DDB1: variants seen among roughly 807,000 people sequenced by gnomAD.
The protein encoded by DDB1 is damage specific DNA binding protein 1.
Under a neutral mutation model 133.1 loss-of-function variants are expected in DDB1, and 18 were observed. The ratio of observed to expected loss-of-function variants is 0.14; its 90% CI spans 0.09 to 0.20. DDB1 has a LOEUF of 0.20. Among genes scored for constraint, DDB1 ranks in the 10% least tolerant of loss-of-function variants. The pLI is 1.00. For synonymous variants in DDB1, 580 were observed against 550.5 expected (o/e 1.05, Z -0.75); for missense variants, 828 against 1,459.2 (o/e 0.57, Z 7.05).
In DDB1 at chr11:61,314,448, G is replaced by A. The variant is rs755359967; in HGVS notation, c.1449C>T (p.Pro483=). 1 of 1,613,782 alleles carries A rather than the reference G, an allele frequency of 6.2e-7. No individual in the cohort carries two copies. Among genetic ancestry groups the A allele is most frequent in the Admixed American group, 1.7e-5 (1 of 59,896 alleles). The change falls in exon 13 of 27, where the codon CCC becomes CCT. Residue 483 remains proline (P), a synonymous_variant. Coordinates refer to ENST00000301764, the MANE Select transcript of DDB1 (RefSeq NM_001923.5). The part of the protein sequence containing the change: ...SASVRLVSQE[P]KALVSEWKEP... ...CCTTCCATTCACTGACCAGAGCTTT[G>A]GGTTCTTGAGAGACCAACCTCACCG...
chr11:61,310,001 A>T, intron 19 of DDB1, 41 bp from the exon 20 acceptor site: 2 of 1,613,410 alleles, frequency 1.2e-6, no homozygotes, highest in Non-Finnish European at 1.7e-6. Flanking sequence ...CAGGTTACCC[A>T]TATCTGCACG....
intron 24 of DDB1, 78 bp from the exon 25 acceptor site, chr11:61,302,437 G>A: frequency 1.3e-6 from 2 of 1,576,402 alleles, no homozygotes; most frequent in Middle Eastern, 3.5e-4. Context: ...GGGCAGCCCA[G>A]GTGAGCAGCT....
chr11:61,324,727 T>C (rs1381722435), intron 6 of DDB1, among the ~76,000 whole-genome samples: 1 of 152,192 alleles, frequency 6.6e-6, no homozygotes, highest in Non-Finnish European at 1.5e-5. Context: ...AAATGAAACT[T>C]TTAAGGCTTA....
At chr11:61,300,359 T>C in intron 26 of DDB1, 140 bp from the exon 27 acceptor site, 1 of 820,542 alleles carries the variant, frequency 1.2e-6, no homozygotes, top group Non-Finnish European at 2.0e-6. Flanking sequence ...AACCCACGCC[T>C]CCCCCTGGGT....
chr11:61,302,832 C>T (rs896804725), intron 23 of DDB1, 81 bp from the exon 24 acceptor site: 29 of 1,548,108 alleles, frequency 1.9e-5, no homozygotes, highest in South Asian at 3.5e-5. Flanking sequence ...GCAGTGGTCA[C>T]GGTGCTCAAT....
Position 61,313,952 on chromosome 11 carries a change from T to C in DDB1, c.1771A>G (p.Ile591Val). 1 of 1,614,190 alleles carries C rather than the reference T, an allele frequency of 6.2e-7. No individual in the cohort carries two copies. Among genetic ancestry groups the C allele is most frequent in the Non-Finnish European group, 8.5e-7 (1 of 1,180,042 alleles). ...MLGGEIIPRSILMTTFESSHY... is the reference protein window; with the variant it reads ...MLGGEIIPRSVLMTTFESSHY... The stretch of plus-strand genomic sequence containing the variant: ...CTACTCTCAAAGGTGGTCATCAGGA[T>C]GGAGCGAGGAATGATCTCTGTGAGA... Residue 591 changes from isoleucine (I) to valine (V), a missense_variant, in exon 15 of 27, where the codon ATC (isoleucine) becomes GTC (valine). Transcript: ENST00000301764.
At position 61,333,087 on chromosome 11, in the gene DDB1, C is replaced by T. The variant is rs956334619; in HGVS notation, c.-119G>A. Reference sequence around the variant, plus strand: ...AACTCCACTGCCGCTGCCTCCGCCCCAGAGACACGTTGCAGGCCAGAGCGG... The same window carrying T: ...AACTCCACTGCCGCTGCCTCCGCCCTAGAGACACGTTGCAGGCCAGAGCGG... On this transcript the variant is annotated 5_prime_UTR_variant, in exon 1 of 27. Coordinates refer to ENST00000301764, the MANE Select transcript of DDB1 (RefSeq NM_001923.5). 8.2e-6 allele frequency: 8 copies of T among 979,622 alleles called. No individual in the cohort carries two copies. Among genetic ancestry groups the T allele is most frequent in the Non-Finnish European group, 1.1e-5 (8 of 704,890 alleles). 60.7% of individuals were successfully genotyped at this position (979,622 alleles called of 1,614,324 possible).
In DDB1 at chr11:61,311,800, G is replaced by A; in HGVS notation, c.2261C>T (p.Pro754Leu). The A allele has an allele frequency of 1.2e-6, 2 of 1,613,158 alleles. No homozygotes were observed. Among genetic ancestry groups the A allele is most frequent in the Non-Finnish European group, 1.7e-6 (2 of 1,179,686 alleles). Reference protein sequence around the residue: ...DTSGGTTALRPSASTQALSSS... With the variant: ...DTSGGTTALRLSASTQALSSS... ...TGCCCTTACCTGGGTGCTAGCGCTGGGCCTCAAGGCTGTCGTGCCCCCACT... is the reference window on the plus strand; with the variant it reads ...TGCCCTTACCTGGGTGCTAGCGCTGAGCCTCAAGGCTGTCGTGCCCCCACT... The change falls in exon 18 of 27, where the codon CCC becomes CTC. Residue 754 changes from proline (P) to leucine (L), a missense_variant. Pro to Leu is a moderately conservative substitution (Grantham distance 98, BLOSUM62 -3). Coordinates refer to ENST00000301764, the MANE Select transcript of DDB1 (RefSeq NM_001923.5).
rs549197999 is a variant in DDB1, at chr11:61,324,208, C to G, written c.763-71G>C. The stretch of plus-strand genomic sequence containing the variant: ...CACCAGAAAACAAACCCTACTGGAC[C>G]ACTCCCTTTACCAAACCCAGCCATT... On this transcript the variant is annotated intron_variant, in intron 6 of 26. Transcript: ENST00000301764. 8 of 1,570,932 alleles carry G rather than the reference C, an allele frequency of 5.1e-6. No individual in the cohort carries two copies. The African/African-American group carries it at 8.1e-5, about 16-fold the overall frequency.
Position 61,333,071 on chromosome 11 carries a change from G to A in DDB1, c.-103C>T. On this transcript the variant is annotated 5_prime_UTR_variant, in exon 1 of 27. Coordinates refer to ENST00000301764, the MANE Select transcript of DDB1 (RefSeq NM_001923.5). ...CCAACAGCGCGCAGCGAACTCCACT[G>A]CCGCTGCCTCCGCCCCAGAGACACG... The A allele has an allele frequency of 9.0e-7, 1 of 1,105,394 alleles. No homozygotes were observed. Among genetic ancestry groups the A allele is most frequent in the Non-Finnish European group, 1.2e-6 (1 of 810,770 alleles). 68.5% of individuals were successfully genotyped at this position (1,105,394 alleles called of 1,614,324 possible).
intron 22 of DDB1, among the ~76,000 whole-genome samples, chr11:61,303,575 C>A (rs946177754): frequency 1.3e-5 from 2 of 151,858 alleles, no homozygotes; most frequent in Non-Finnish European, 2.9e-5. Flanking sequence ...GTAGTCCCAG[C>A]TACTCGTAGT....
Position 61,313,690 on chromosome 11 carries a change from A to T in DDB1, c.1878T>A (p.Arg626=), listed in dbSNP as rs1206658093. ...LNIETGLLSD[R]KKVTLGTQPT... ...GCTGGGTGCCCAAAGTCACCTTCTTACGGTCGCTCAACAGACCTACAGAGA... is the reference window on the plus strand; with the variant it reads ...GCTGGGTGCCCAAAGTCACCTTCTTTCGGTCGCTCAACAGACCTACAGAGA... The change falls in exon 16 of 27, where the codon CGT becomes CGA. Residue 626 remains arginine (R), a synonymous_variant. Coordinates refer to ENST00000301764, the MANE Select transcript of DDB1 (RefSeq NM_001923.5). The T allele has an allele frequency of 1.2e-6, 2 of 1,611,844 alleles. No individual in the cohort carries two copies. Among genetic ancestry groups the T allele is most frequent in the Admixed American group, 1.7e-5 (1 of 59,460 alleles).
chr11:61,310,035 G>A (rs2134904450), intron 19 of DDB1, 75 bp from the exon 20 acceptor site: 1 of 1,594,476 alleles, frequency 6.3e-7, no homozygotes. Flanking sequence ...GTATTTCTGA[G>A]GCCTGTGGCT....
intron 1 of DDB1, 192 bp downstream of exon 1, chr11:61,332,715 TC>T: frequency 4.4e-6 from 2 of 454,260 alleles, no homozygotes; most frequent in Non-Finnish European, 7.6e-6. Flanking sequence ...GAGAGCGGCT[TC>T]CAACCCCCAA....
intron 13 of DDB1, 21 bp from the exon 14 acceptor site, chr11:61,314,231 C>T (rs762781207): frequency 1.9e-6 from 3 of 1,591,030 alleles, no homozygotes; most frequent in South Asian, 2.3e-5. Flanking sequence ...AAGAATATGG[C>T]AGAGGAAGGA....
chr11:61,310,100 TC>T, intron 19 of DDB1, 140 bp from the exon 20 acceptor site: 1 of 1,388,376 alleles, frequency 7.2e-7, no homozygotes. Flanking sequence ...AGATTATCCA[TC>T]CCCCACCAGC....
intron 10 of DDB1, among the ~76,000 whole-genome samples, chr11:61,320,042 TTGAC>T (rs1417601968): frequency 1.3e-5 from 2 of 152,220 alleles, no homozygotes; most frequent in Non-Finnish European, 2.9e-5. Flanking sequence ...TGCTTTCTAA[TTGAC>T]TGTGTTTACA....
chr11:61,313,251 A>T (rs1004418516), intron 16 of DDB1, among the ~76,000 whole-genome samples: 1 of 152,334 alleles, frequency 6.6e-6, no homozygotes, highest in South Asian at 2.1e-4. Context: ...GAATCACCTG[A>T]TAAGTTTTCT....
chr11:61,303,956 A>G lies in DDB1; in HGVS notation c.2741T>C (p.Leu914Pro), dbSNP rs764571835. 6.2e-7 allele frequency: 1 copy of G among 1,614,044 alleles called. No individual in the cohort carries two copies. Among genetic ancestry groups the G allele is most frequent in the Non-Finnish European group, 8.5e-7 (1 of 1,180,010 alleles). Residue 914 changes from leucine (L) to proline (P), a missense_variant, in exon 22 of 27, where the codon CTG (leucine) becomes CCG (proline). Physicochemically the swap from Leu to Pro is moderately conservative, Grantham distance 98. Transcript: ENST00000301764. ...NHYNNIMALYLKTKGDFILVG... is the reference protein window; with the variant it reads ...NHYNNIMALYPKTKGDFILVG... The stretch of plus-strand genomic sequence containing the variant: ...CAGGATGAAGTCGCCCTTGGTCTTC[A>G]GGTAGAGGGCCATGATGTTGTTGTA...
Sources: gnomAD v4.1 joint callset for allele counts (sites outside exome capture counted in the v4.1 genomes callset) on GRCh38, gnomAD v4.1.1 for gene constraint, MANE v1.5 for transcripts, NCBI Gene and HGNC (gene_info 2026-07-23, HGNC 2026-07-21) for gene names.